The following CEP112 variants were observed in gnomAD, a reference collection of about 807,000 sequenced individuals.
CEP112 encodes the protein centrosomal protein of 112 kDa.
Under a neutral mutation model 153.0 loss-of-function variants are expected in CEP112, and 127 were observed. The observed-to-expected ratio is 0.83, with a 90% CI of 0.72 to 0.96. The LOEUF (loss-of-function observed/expected upper bound fraction) is 0.96. Among genes scored for constraint, CEP112 ranks in the 40% least tolerant of loss-of-function variants. CEP112 has a pLI of 0.00. For missense variants in CEP112, 1,089 were observed against 1,101.2 expected, an observed-to-expected ratio of 0.99 and a Z score of 0.16; for synonymous variants, 358 against 374.4, an observed-to-expected ratio of 0.96 and a Z score of 0.51.
In CEP112 at chr17:65,750,743, T is replaced by A; in HGVS notation, c.2395-19A>T. The A allele has an allele frequency of 6.2e-7, 1 of 1,611,372 alleles. No homozygotes were observed. The highest frequency in any genetic ancestry group is 1.1e-5 in the South Asian group (1 of 91,028). ...TGTTGGCCTGAAAAACACATGTACA[T>A]GAACACATACACAGTGACCTGTGAG... On this transcript the variant is annotated intron_variant, in intron 21 of 26. Coordinates refer to ENST00000535342, the MANE Select transcript of CEP112 (RefSeq NM_001199165.4).
intron 8 of CEP112, among the ~76,000 whole-genome samples, chr17:66,088,423 G>T (rs1568477402): frequency 6.6e-6 from 1 of 152,104 alleles, no homozygotes; most frequent in Non-Finnish European, 1.5e-5. Context: ...CCAGGAACCA[G>T]GCCAGCCTCC....
At chr17:65,971,714 A>T (rs920917239) in intron 17 of CEP112, among the ~76,000 whole-genome samples, 1 of 152,208 alleles carries the variant, frequency 6.6e-6, no homozygotes, top group African/African-American at 2.4e-5. Flanking sequence ...TATTACATGC[A>T]TGCATAAATA....
chr17:65,739,250 C>T (rs763124732), intron 23 of CEP112, among the ~76,000 whole-genome samples: 6 of 152,172 alleles, frequency 3.9e-5, no homozygotes, highest in Non-Finnish European at 5.9e-5. Context: ...TGATCCCTGC[C>T]CAAATTTCTG....
intron 24 of CEP112, among the ~76,000 whole-genome samples, chr17:65,686,029 T>C (rs2047769958): frequency 6.6e-6 from 1 of 152,058 alleles, no homozygotes; most frequent in Non-Finnish European, 1.5e-5. Context: ...AGGTCAAATT[T>C]AGATAAAAGA....
chr17:66,019,517 T>C (rs2064912684), intron 16 of CEP112, among the ~76,000 whole-genome samples: 2 of 152,148 alleles, frequency 1.3e-5, no homozygotes, highest in Non-Finnish European at 2.9e-5. Flanking sequence ...AAGGGGGAGA[T>C]TATGAAATTA....
intron 7 of CEP112, 34 bp downstream of exon 7, chr17:66,096,551 C>T (rs116863279): frequency 3.0e-4 from 436 of 1,430,128 alleles, no homozygotes; most frequent in Non-Finnish European, 3.9e-4. Flanking sequence ...AAAATACCTG[C>T]CCCTAGAAAA....
At chr17:65,906,894 C>G (rs1292352723) in intron 19 of CEP112, among the ~76,000 whole-genome samples, 1 of 152,130 alleles carries the variant, frequency 6.6e-6, no homozygotes, top group Non-Finnish European at 1.5e-5. Flanking sequence ...GTTATACCAA[C>G]AAGGATCATT....
chr17:65,824,766 G>T (rs146512464), intron 21 of CEP112, among the ~76,000 whole-genome samples: 1 of 152,124 alleles, frequency 6.6e-6, no homozygotes, highest in Non-Finnish European at 1.5e-5. Flanking sequence ...TGTTATCTGT[G>T]GTGGGAGAGA....
intron 24 of CEP112, among the ~76,000 whole-genome samples, chr17:65,643,365 T>C (rs1273975157): frequency 6.6e-6 from 1 of 152,114 alleles, no homozygotes; most frequent in Non-Finnish European, 1.5e-5. Flanking sequence ...TGGCATGATC[T>C]TGGCTCACTG....
chr17:65,849,615 G>A (rs990131013), intron 21 of CEP112, among the ~76,000 whole-genome samples: 2 of 152,288 alleles, frequency 1.3e-5, no homozygotes, highest in African/African-American at 2.4e-5. Context: ...GAAAATTACG[G>A]CCTAAATTGG....
chr17:65,657,411 G>A (rs2046115487), intron 24 of CEP112, among the ~76,000 whole-genome samples: 1 of 152,182 alleles, frequency 6.6e-6, no homozygotes, highest in African/African-American at 2.4e-5. Context: ...TACAGGCATG[G>A]GATGAGAAAG....
chr17:66,025,720 A>G (rs1164794369), intron 16 of CEP112, among the ~76,000 whole-genome samples: 2 of 152,102 alleles, frequency 1.3e-5, no homozygotes, highest in Non-Finnish European at 2.9e-5. Flanking sequence ...AATTAGTATA[A>G]TCTCCAAGGA....
chr17:66,028,252 C>T (rs1306557368), intron 15 of CEP112, 61 bp downstream of exon 15: 4 of 971,158 alleles, frequency 4.1e-6, no homozygotes, highest in East Asian at 2.5e-5. Flanking sequence ...CTCAATGATA[C>T]ATCTGAATCA....
intron 2 of CEP112, among the ~76,000 whole-genome samples, chr17:66,177,996 C>T (rs907692890): frequency 6.6e-6 from 1 of 152,124 alleles, no homozygotes; most frequent in African/African-American, 2.4e-5. Context: ...CAAATCTTGG[C>T]TATTGTGAAC....
intron 21 of CEP112, among the ~76,000 whole-genome samples, chr17:65,821,661 C>T (rs190898000): frequency 3.4e-4 from 51 of 148,000 alleles, no homozygotes; most frequent in Admixed American, 6.7e-5. Flanking sequence ...AAGCAATTCT[C>T]CTCCCTCAGC....
intron 8 of CEP112, among the ~76,000 whole-genome samples, chr17:66,075,400 G>A (rs1017530167): frequency 6.6e-6 from 1 of 151,890 alleles, no homozygotes; most frequent in Non-Finnish European, 1.5e-5. Flanking sequence ...CATAATTTTA[G>A]CCCAAAAGCA....
intron 3 of CEP112, among the ~76,000 whole-genome samples, chr17:66,176,011 G>A (rs988288862): frequency 2.0e-5 from 3 of 152,166 alleles, no homozygotes; most frequent in Non-Finnish European, 2.9e-5. Flanking sequence ...GACATGCACA[G>A]AAATTTCTTT....
chr17:66,115,610 T>A (rs181478935), intron 6 of CEP112, among the ~76,000 whole-genome samples: 148 of 152,330 alleles, frequency 9.7e-4, no homozygotes, highest in Non-Finnish European at 1.6e-3. Context: ...ACTGACCAGA[T>A]CACCACATCC....
chr17:65,938,643 A>G (rs1221149398), intron 18 of CEP112, among the ~76,000 whole-genome samples: 1 of 152,128 alleles, frequency 6.6e-6, no homozygotes, highest in East Asian at 1.9e-4. Context: ...GTAGGAAAGG[A>G]AGAAGTAGAA....
Sources: allele counts gnomAD v4.1 joint callset (sites outside exome capture counted in the v4.1 genomes callset), GRCh38; gene constraint gnomAD v4.1.1; transcripts MANE v1.5; gene names NCBI Gene and HGNC (gene_info 2026-07-23, HGNC 2026-07-21).